The following PTPN5 variants were observed in gnomAD, a reference collection of about 807,000 sequenced individuals.
PTPN5 encodes the protein protein tyrosine phosphatase non-receptor type 5.
A neutral mutation model predicts 73.9 loss-of-function variants in PTPN5; 29 were observed. The observed-to-expected ratio is 0.39, with a 90% CI of 0.29 to 0.54. PTPN5 has a LOEUF of 0.54. Ranked by LOEUF, PTPN5 falls within the 20% of genes least tolerant of loss-of-function variation. PTPN5 has a pLI of 0.65. For synonymous variants in PTPN5, 267 were observed against 304.7 expected (o/e 0.88, Z 1.29); for missense variants, 652 against 751.4 (o/e 0.87, Z 1.55).
At chr11:18,774,176 C>A (rs1167114834) in intron 1 of PTPN5, among the ~76,000 whole-genome samples, 1 of 152,224 alleles carries the variant, frequency 6.6e-6, no homozygotes, top group African/African-American at 2.4e-5. Context: ...GATGACAACA[C>A]CTTCCACACA....
At chr11:18,786,233 C>T (rs1435465883) in intron 1 of PTPN5, among the ~76,000 whole-genome samples, 3 of 151,416 alleles carry the variant, frequency 2.0e-5, no homozygotes, top group Admixed American at 6.6e-5. Flanking sequence ...GACGGAGTCT[C>T]GCTCTTTCGC....
intron 7 of PTPN5, among the ~76,000 whole-genome samples, chr11:18,741,986 C>T (rs1849384496): frequency 6.6e-6 from 1 of 152,194 alleles, no homozygotes; most frequent in South Asian, 2.1e-4. Flanking sequence ...ACAAGTCCTG[C>T]AGCAAAGAAA....
chr11:18,776,831 G>A (rs573269728), intron 1 of PTPN5, among the ~76,000 whole-genome samples: 21 of 152,176 alleles, frequency 1.4e-4, no homozygotes, highest in African/African-American at 5.1e-4. Context: ...AATGAAAAGT[G>A]GGGTAATGTT....
chr11:18,747,726 T>C (rs1356796304), intron 3 of PTPN5, among the ~76,000 whole-genome samples: 1 of 152,164 alleles, frequency 6.6e-6, no homozygotes, highest in East Asian at 1.9e-4. Context: ...ATTTTGATGG[T>C]ATGGACTAAG....
chr11:18,750,531 C>T (rs541372774), intron 3 of PTPN5, among the ~76,000 whole-genome samples: 2 of 152,180 alleles, frequency 1.3e-5, no homozygotes, highest in Non-Finnish European at 2.9e-5. Flanking sequence ...AAAATGCCAC[C>T]AGTAGACACT....
At chr11:18,761,015 A>T (rs573167802) in intron 3 of PTPN5, among the ~76,000 whole-genome samples, 1 of 152,224 alleles carries the variant, frequency 6.6e-6, no homozygotes, top group Non-Finnish European at 1.5e-5. Context: ...GTGGCCAAGG[A>T]GTAGCTATTA....
At chr11:18,747,321 T>C (rs996990540) in intron 3 of PTPN5, among the ~76,000 whole-genome samples, 1 of 152,098 alleles carries the variant, frequency 6.6e-6, no homozygotes, top group Admixed American at 6.5e-5. Context: ...TGGCTAATTT[T>C]TGTATTTTTA....
chr11:18,740,606 G>C lies in PTPN5; in HGVS notation c.912C>G (p.Phe304Leu). The C allele has an allele frequency of 1.3e-6, 2 of 1,564,318 alleles. No individual in the cohort carries two copies. The highest frequency in any genetic ancestry group is 8.7e-7 in the Non-Finnish European group (1 of 1,154,408). ...CGACCGGCTCAAGGGAACTCACAAAGAATTCCGCCTGCAGCAGGAAAGGGT... is the reference window on the plus strand; with the variant it reads ...CGACCGGCTCAAGGGAACTCACAAACAATTCCGCCTGCAGCAGGAAAGGGT... Reference protein sequence around the residue: ...ALDPFLLQAEFFEIPMNFVDP... With the variant: ...ALDPFLLQAELFEIPMNFVDP... Residue 304 changes from phenylalanine (F) to leucine (L), a missense_variant, in exon 8 of 15, where the codon TTC (phenylalanine) becomes TTG (leucine). By Grantham distance (22) the Phe-to-Leu change is conservative. Around this residue, in one of 3 missense-constraint regions of PTPN5, gnomAD observed 529 missense variants for 573.9 expected, o/e 0.92. Transcript: ENST00000358540.
At chr11:18,775,315 ATCC>A (rs1214333420) in intron 1 of PTPN5, among the ~76,000 whole-genome samples, 2 of 152,236 alleles carry the variant, frequency 1.3e-5, no homozygotes, top group African/African-American at 4.8e-5. Flanking sequence ...CTTTTAAAAA[ATCC>A]TCACCATAAA....
Position 18,762,611 on chromosome 11 carries a change from C to G in PTPN5, c.97+3196G>C, listed in dbSNP as rs1262208974. 4.6e-5 allele frequency among the ~76,000 whole-genome samples: 7 copies of G among 152,178 alleles called. 1 individual carries two copies. The East Asian group carries it at 1.3e-3, about 29-fold the overall frequency. On this transcript the variant is annotated intron_variant, in intron 3 of 14. Coordinates refer to ENST00000358540, the MANE Select transcript of PTPN5 (RefSeq NM_006906.2). ...GCTTTAATTGTCTTCATAGCACTTA[C>G]TACTATTAACCATACTATGTGGCAT...
In PTPN5 at chr11:18,751,888, G is replaced by A. The variant is rs530696471; in HGVS notation, c.98-7689C>T. On this transcript the variant is annotated intron_variant, in intron 3 of 14. Coordinates refer to ENST00000358540, the MANE Select transcript of PTPN5 (RefSeq NM_006906.2). ...CCCTCTCTGGCTGATTGCCCTGATGGAGTGAAGGTGGCAGAAGTGATGTTA... is the reference window on the plus strand; with the variant it reads ...CCCTCTCTGGCTGATTGCCCTGATGAAGTGAAGGTGGCAGAAGTGATGTTA... 2.9e-4 allele frequency among the ~76,000 whole-genome samples: 44 copies of A among 152,308 alleles called. No individual in the cohort carries two copies. The South Asian group carries it at 9.1e-3, about 32-fold the overall frequency.
chr11:18,765,748 C>T lies in PTPN5; in HGVS notation c.97+59G>A, dbSNP rs1030834349. On this transcript the variant is annotated intron_variant, in intron 3 of 14. Coordinates refer to ENST00000358540, the MANE Select transcript of PTPN5 (RefSeq NM_006906.2). ...GGCTTTACTCCAGCCCCAGCTTCAG[C>T]CGGGGCATTGTCTCTCCATTCTGAG... 1.4e-4 allele frequency: 164 copies of T among 1,205,206 alleles called. No individual in the cohort carries two copies. In the Middle Eastern group the frequency reaches 1.9e-3, roughly 14 times the overall value. 74.7% of individuals were successfully genotyped at this position (1,205,206 alleles called of 1,614,324 possible).
Position 18,729,607 on chromosome 11 carries a change from C to A in PTPN5, c.1491-41G>T, listed in dbSNP as rs771864782. 2.5e-5 allele frequency: 39 copies of A among 1,572,852 alleles called. No homozygotes were observed. Among genetic ancestry groups the A allele is most frequent in the Non-Finnish European group, 3.3e-5 (38 of 1,159,462 alleles). ...ACCGGTGGGGTGAGGGGCAGGGCAG[C>A]CCAGCGGGTGGGGGGCTGCCCCGCT... On this transcript the variant is annotated intron_variant, in intron 13 of 14. Transcript: ENST00000358540. The surrounding 1 kb of genome is among the most constrained non-coding windows in gnomAD (Gnocchi z 5.2).
In PTPN5 at chr11:18,763,064, C is replaced by A. The variant is rs1047264716; in HGVS notation, c.97+2743G>T. ...CAGAAATGAAACAGAGAGGTCCTTG[C>A]CTTCAGAGAGCTCATGACCCCATGG... On this transcript the variant is annotated intron_variant, in intron 3 of 14. Transcript: ENST00000358540. 2.0e-5 allele frequency among the ~76,000 whole-genome samples: 3 copies of A among 152,146 alleles called. No homozygotes were observed. In the East Asian group the frequency reaches 5.8e-4, roughly 29 times the overall value.
chr11:18,766,354 C>T (rs1006269891), intron 2 of PTPN5, among the ~76,000 whole-genome samples: 37 of 152,182 alleles, frequency 2.4e-4, no homozygotes, highest in African/African-American at 7.2e-4. Context: ...TTGTGCCATT[C>T]TGTCTCCTAG....
intron 8 of PTPN5, chr11:18,740,364 CAT>C (rs1406151001): frequency 8.3e-6 from 3 of 362,382 alleles, no homozygotes; most frequent in Non-Finnish European, 1.5e-5. Flanking sequence ...GTGCTCTGCA[CAT>C]GTTATAAGTC....
rs1288849011 is a variant in PTPN5 at position 18,729,382 on chromosome 11, G to A, written c.1604+71C>T. On this transcript the variant is annotated intron_variant, in intron 14 of 14. Coordinates refer to ENST00000358540, the MANE Select transcript of PTPN5 (RefSeq NM_006906.2). This position sits in a 1 kb window ranked among gnomAD's most constrained non-coding sequence, Gnocchi z 5.2. ...CCCCTCACCCCCCGCCCATGCACAT[G>A]TGGGTCTCTCCCTCTACCCGCTCGG... 5.2e-6 allele frequency: 4 copies of A among 768,162 alleles called. No homozygotes were observed. The highest frequency in any genetic ancestry group is 6.9e-6 in the Non-Finnish European group (3 of 433,874). The allele number at this position is 768,162 out of a possible 1,614,324, so 47.6% of individuals were successfully genotyped here.
chr11:18,751,530 G>T (rs529049643), intron 3 of PTPN5, among the ~76,000 whole-genome samples: 75 of 152,248 alleles, frequency 4.9e-4, no homozygotes, highest in Non-Finnish European at 9.4e-4. Flanking sequence ...GCTCATCAGT[G>T]AGCAACACGA....
At chr11:18,752,493 G>A (rs1178933242) in intron 3 of PTPN5, among the ~76,000 whole-genome samples, 1 of 152,192 alleles carries the variant, frequency 6.6e-6, no homozygotes, top group African/African-American at 2.4e-5. Context: ...TGGCAACTGG[G>A]GTCGGTGGAT....
Sources: gnomAD v4.1 joint callset for allele counts (sites outside exome capture counted in the v4.1 genomes callset) on GRCh38, gnomAD v4.1.1 for gene constraint, gnomAD v4.1.1 regional missense constraint, Gnocchi (gnomAD v3.1) non-coding constraint, MANE v1.5 for transcripts, NCBI Gene and HGNC (gene_info 2026-07-23, HGNC 2026-07-21) for gene names.